Variants in FNDC1 observed in about 807,000 individuals in gnomAD.
FNDC1 encodes the protein fibronectin type III domain-containing protein 1.
A neutral mutation model predicts 168.0 loss-of-function variants in FNDC1; 96 were observed. That is an observed-to-expected ratio of 0.57 (90% CI 0.48 to 0.68). The LOEUF is 0.68. Ranked by LOEUF, FNDC1 falls within the 30% of genes least tolerant of loss-of-function variation. FNDC1 has a pLI of 0.00. For missense variants in FNDC1, 2,587 were observed against 2,482.1 expected (o/e 1.04, Z -0.90); for synonymous variants, 1,099 against 1,025.9 (o/e 1.07, Z -1.36).
chr6:159,173,908 A>G (rs1365058308), intron 1 of FNDC1, among the ~76,000 whole-genome samples: 1 of 152,150 alleles, frequency 6.6e-6, no homozygotes, highest in African/African-American at 2.4e-5. Flanking sequence ...GGGGATCATT[A>G]TTCTTCCTAC....
chr6:159,188,137 G>A (rs202189956), intron 1 of FNDC1, among the ~76,000 whole-genome samples: 2 of 152,254 alleles, frequency 1.3e-5, no homozygotes, highest in East Asian at 3.9e-4. Context: ...AAGCATGAAG[G>A]GTTTGTTGCA....
Position 159,233,768 on chromosome 6 carries a change from G to A in FNDC1, c.3256G>A (p.Val1086Ile), listed in dbSNP as rs1009399080. The A allele has an allele frequency of 5.8e-6, 9 of 1,545,534 alleles. No homozygotes were observed. The Admixed American group carries it at 1.2e-4, about 20-fold the overall frequency. ...CAGCTACGACGACGACAGCACAGAA[G>A]TCGAGGCCCAGGATGTGCGGGCCCC... ...QGSYDDDSTE[V>I]EAQDVRAPAH... Residue 1086 changes from valine to isoleucine, a missense_variant, in exon 11 of 23, where the codon GTC becomes ATC. Coordinates refer to ENST00000297267, the MANE Select transcript of FNDC1 (RefSeq NM_032532.3). The surrounding 1 kb of genome is among the most constrained non-coding windows in gnomAD (Gnocchi z 4.6).
At chr6:159,216,848 G>T (rs1782719224) in intron 5 of FNDC1, among the ~76,000 whole-genome samples, 1 of 152,252 alleles carries the variant, frequency 6.6e-6, no homozygotes, top group Admixed American at 6.5e-5. Context: ...CAGTACTCAA[G>T]CAAGGAAAAG....
At position 159,271,576 on chromosome 6, in the gene FNDC1, G is replaced by T; in HGVS notation, c.*134G>T. On this transcript the variant is annotated 3_prime_UTR_variant, in exon 23 of 23. Transcript: ENST00000297267. ...GCCAGGAAGGTCATAGATGGACACT[G>T]GCCATTCTGGTCATCTCAGTCTGGA... 1 of 646,752 alleles carries T rather than the reference G, an allele frequency of 1.5e-6. No homozygotes were observed. The highest frequency in any genetic ancestry group is 2.8e-6 in the Non-Finnish European group (1 of 352,746). 40.1% of individuals were successfully genotyped at this position (646,752 alleles called of 1,614,324 possible).
At chr6:159,251,955 C>T (rs527753198) in intron 17 of FNDC1, among the ~76,000 whole-genome samples, 2 of 152,320 alleles carry the variant, frequency 1.3e-5, no homozygotes, top group South Asian at 4.1e-4. Flanking sequence ...CTGGGCCACA[C>T]ATTTGTCCCT....
rs941443121 is a variant in FNDC1, at chr6:159,232,060, T to C, written c.1548T>C (p.Asn516=). The change falls in exon 11 of 23, where the codon AAT becomes AAC. Residue 516 remains asparagine, a synonymous_variant. Transcript: ENST00000297267. The surrounding 1 kb of genome is among the most constrained non-coding windows in gnomAD (Gnocchi z 4.9). ...LLDLKNKILA[N]GGAPRKPQLR... is the part of the protein sequence containing the mutation. ...ACTTGAAGAACAAAATATTGGCTAA[T>C]GGTGGGGCGCCCCGAAAACCCCAGC... 1.9e-6 allele frequency: 3 copies of C among 1,613,784 alleles called. No homozygotes were observed. Among genetic ancestry groups the C allele is most frequent in the Non-Finnish European group, 2.5e-6 (3 of 1,179,828 alleles).
intron 2 of FNDC1, among the ~76,000 whole-genome samples, chr6:159,198,638 T>G (rs73593366): frequency 1.7e-3 from 266 of 152,346 alleles, no homozygotes; most frequent in African/African-American, 6.2e-3. Context: ...TCATATCTCC[T>G]TGCTCAAACC....
At chr6:159,175,084 G>A (rs145653650) in intron 1 of FNDC1, among the ~76,000 whole-genome samples, 1 of 152,078 alleles carries the variant, frequency 6.6e-6, no homozygotes, top group Non-Finnish European at 1.5e-5. Flanking sequence ...TTTTTTTACC[G>A]CAGTCTCCTA....
At chr6:159,178,695 T>C (rs140590635) in intron 1 of FNDC1, among the ~76,000 whole-genome samples, 1 of 152,126 alleles carries the variant, frequency 6.6e-6, no homozygotes, top group Admixed American at 6.5e-5. Context: ...TTTTTAAAAG[T>C]GTTTTGCCCA....
At chr6:159,247,849 T>C (rs1002324353) in intron 15 of FNDC1, among the ~76,000 whole-genome samples, 7 of 152,270 alleles carry the variant, frequency 4.6e-5, no homozygotes, top group Non-Finnish European at 8.8e-5. Context: ...ACTTAGGACC[T>C]TGTGATTGTT....
intron 4 of FNDC1, 83 bp from the exon 5 acceptor site, chr6:159,214,862 C>G (rs987383153): frequency 7.0e-5 from 82 of 1,165,418 alleles, no homozygotes; most frequent in Non-Finnish European, 8.7e-5. Context: ...TGTTGAGGCT[C>G]AGGGTCTGAA....
intron 12 of FNDC1, among the ~76,000 whole-genome samples, chr6:159,237,510 C>T (rs1020646821): frequency 6.6e-6 from 1 of 152,182 alleles, no homozygotes; most frequent in Non-Finnish European, 1.5e-5. Context: ...TTTACAGTTC[C>T]TTAGAATGTG....
At chr6:159,226,714 T>C in intron 9 of FNDC1, 134 bp downstream of exon 9, 2 of 595,142 alleles carry the variant, frequency 3.4e-6, no homozygotes, top group Non-Finnish European at 2.8e-6. Flanking sequence ...GGGACGAGGA[T>C]ATTTCATGCA....
At chr6:159,236,500 C>G (rs553214443) in intron 12 of FNDC1, among the ~76,000 whole-genome samples, 185 bp downstream of exon 12, 15 of 152,318 alleles carry the variant, frequency 9.8e-5, no homozygotes, top group Non-Finnish European at 1.8e-4. Context: ...CTCCTGGTAA[C>G]TAGCTTGTTT....
In FNDC1 at chr6:159,232,880, G is replaced by T. The variant is rs772887827; in HGVS notation, c.2368G>T (p.Gly790Cys). 3 of 1,613,386 alleles carry T rather than the reference G, an allele frequency of 1.9e-6. No individual in the cohort carries two copies. In the South Asian group the frequency reaches 3.3e-5, roughly 18 times the overall value. Reference protein sequence around the residue: ...GAEASDGESHGDGDREDGGRQ... With the variant: ...GAEASDGESHCDGDREDGGRQ... ...GGAGGCTTCTGATGGTGAAAGCCACGGTGACGGCGATAGGGAAGACGGCGG... is the reference window on the plus strand; with the variant it reads ...GGAGGCTTCTGATGGTGAAAGCCACTGTGACGGCGATAGGGAAGACGGCGG... The change falls in exon 11 of 23, where the codon GGT becomes TGT. Residue 790 changes from glycine (G) to cysteine (C), a missense_variant. By Grantham distance (159) the Gly-to-Cys change is radical (BLOSUM62 -3). Transcript: ENST00000297267. The surrounding 1 kb of genome is among the most constrained non-coding windows in gnomAD (Gnocchi z 4.9).
intron 17 of FNDC1, among the ~76,000 whole-genome samples, chr6:159,254,849 A>T (rs1777340738): frequency 6.6e-6 from 1 of 152,118 alleles, no homozygotes; most frequent in Non-Finnish European, 1.5e-5. Flanking sequence ...CCTTAGAAGC[A>T]TCTTCAAGTC....
At chr6:159,248,972 T>A in intron 15 of FNDC1, 67 bp from the exon 16 acceptor site, 1 of 1,453,344 alleles carries the variant, frequency 6.9e-7, no homozygotes, top group Admixed American at 2.3e-5. Context: ...TAAGAAGGTA[T>A]CATTTGACTA....
intron 1 of FNDC1, among the ~76,000 whole-genome samples, chr6:159,191,392 T>C (rs912641839): frequency 9.9e-5 from 15 of 152,232 alleles, no homozygotes; most frequent in Non-Finnish European, 1.5e-4. Context: ...ATCAAATGGA[T>C]TTTTAGTTAC....
intron 5 of FNDC1, among the ~76,000 whole-genome samples, chr6:159,220,607 A>T (rs1191917900): frequency 6.6e-6 from 1 of 152,232 alleles, no homozygotes; most frequent in Non-Finnish European, 1.5e-5. Context: ...AAGAAGGTCA[A>T]ATAAAAAATA....
Sources: allele counts gnomAD v4.1 joint callset (sites outside exome capture counted in the v4.1 genomes callset), GRCh38; gene constraint gnomAD v4.1.1; non-coding constraint Gnocchi (gnomAD v3.1); transcripts MANE v1.5; gene names NCBI Gene and HGNC (gene_info 2026-07-23, HGNC 2026-07-21).